DNAJC15: variants seen among roughly 807,000 people sequenced by gnomAD.
DNAJC15 encodes DnaJ heat shock protein family (Hsp40) member C15, also known as dnaJ homolog subfamily C member 15.
A neutral mutation model predicts 22.4 loss-of-function variants in DNAJC15; 27 were observed. The observed-to-expected ratio is 1.20, with a 90% CI of 0.89 to 1.66. The LOEUF (loss-of-function observed/expected upper bound fraction) is 1.66, where lower values mean the gene tolerates loss of function less well. Among genes scored for constraint, DNAJC15 ranks in the 40% most tolerant of loss-of-function variants. The pLI, the probability that DNAJC15 is intolerant of heterozygous loss-of-function variation, is 0.00. For missense variants in DNAJC15, 208 were observed against 187.1 expected, an observed-to-expected ratio of 1.11 and a Z score of -0.65; for synonymous variants, 79 against 63.2, an observed-to-expected ratio of 1.25 and a Z score of -1.19.
chr13:43,099,287 G>A (rs1433000404), intron 5 of DNAJC15, among the ~76,000 whole-genome samples: 1 of 152,052 alleles, frequency 6.6e-6, no homozygotes, highest in Non-Finnish European at 1.5e-5. Flanking sequence ...AGTTATTGGT[G>A]GATTCTTTAG....
At chr13:43,056,190 T>A (rs2040530433) in intron 1 of DNAJC15, among the ~76,000 whole-genome samples, 1 of 151,990 alleles carries the variant, frequency 6.6e-6, no homozygotes, top group Non-Finnish European at 1.5e-5. Context: ...TCGCTCTTGT[T>A]GCCTAGGCTG....
intron 4 of DNAJC15, among the ~76,000 whole-genome samples, chr13:43,080,391 A>C (rs539124576): frequency 6.6e-6 from 1 of 152,294 alleles, no homozygotes; most frequent in South Asian, 2.1e-4. Flanking sequence ...CCACGATCTC[A>C]TTACTTTTTG....
In DNAJC15 at chr13:43,112,866, A is replaced by T. The variant is rs1481226169; in HGVS notation, c.*5618A>T. On this transcript the variant is annotated 3_prime_UTR_variant, in exon 6 of 6. Transcript: ENST00000379221. The stretch of plus-strand genomic sequence containing the variant: ...AAGGGGCTTGTATGACTTTTGGCTC[A>T]TTTTTTGATGCATGTGACCTGGGAT... 6 of 152,198 alleles carry T rather than the reference A, an allele frequency of 3.9e-5. No homozygotes were observed. The allele number at this position is 152,198 out of a possible 1,614,324, so 9.4% of individuals were successfully genotyped here.
At chr13:43,056,286 GCAC>G (rs1051943109) in intron 1 of DNAJC15, among the ~76,000 whole-genome samples, 15 of 152,010 alleles carry the variant, frequency 9.9e-5, no homozygotes, top group African/African-American at 3.6e-4. Flanking sequence ...CTACAGGCAT[GCAC>G]CACCACGCCT....
intron 5 of DNAJC15, among the ~76,000 whole-genome samples, chr13:43,095,842 A>G (rs1048375463): frequency 6.6e-5 from 10 of 152,150 alleles, no homozygotes; most frequent in African/African-American, 2.4e-4. Context: ...GATGACCTTA[A>G]AAAACAGTTT....
chr13:43,027,855 C>G (rs1223870005), intron 1 of DNAJC15, among the ~76,000 whole-genome samples: 1 of 152,074 alleles, frequency 6.6e-6, no homozygotes, highest in African/African-American at 2.4e-5. Context: ...TAGGGTTTCC[C>G]CATGTCAGCC....
At chr13:43,034,395 A>G (rs1320762038) in intron 1 of DNAJC15, among the ~76,000 whole-genome samples, 1 of 132,496 alleles carries the variant, frequency 7.5e-6, no homozygotes, top group African/African-American at 2.9e-5. Context: ...GGCTCACTTC[A>G]AGCTCTGCCT....
chr13:43,063,270 A>G (rs1182590514), intron 1 of DNAJC15, among the ~76,000 whole-genome samples: 2 of 152,252 alleles, frequency 1.3e-5, no homozygotes, highest in Non-Finnish European at 2.9e-5. Context: ...TTGGCCTCCC[A>G]AAGTGTTGGG....
Position 43,109,599 on chromosome 13 carries a change from G to C in DNAJC15, c.*2351G>C, listed in dbSNP as rs1351721853. The C allele has an allele frequency of 6.6e-6, 1 of 152,064 alleles. No homozygotes were observed. Among genetic ancestry groups the C allele is most frequent in the Admixed American group, 6.6e-5 (1 of 15,258 alleles). 9.4% of individuals were successfully genotyped at this position (152,064 alleles called of 1,614,324 possible). On this transcript the variant is annotated 3_prime_UTR_variant, in exon 6 of 6. Coordinates refer to ENST00000379221, the MANE Select transcript of DNAJC15 (RefSeq NM_013238.3). ...TTGCAGGTGCCTTGGAGTCAGATCT[G>C]GTTTTGAATACTATCTTCCTGTTAT...
At chr13:43,038,098 CAG>C (rs1210277256) in intron 1 of DNAJC15, among the ~76,000 whole-genome samples, 6 of 152,082 alleles carry the variant, frequency 3.9e-5, no homozygotes, top group Non-Finnish European at 8.8e-5. Flanking sequence ...AAATAAAACA[CAG>C]TGATGAATTT....
chr13:43,110,700 A>G lies in DNAJC15; in HGVS notation c.*3452A>G, dbSNP rs1390774708. 5 of 152,198 alleles carry G rather than the reference A, an allele frequency of 3.3e-5. No homozygotes were observed. In the East Asian group the frequency reaches 9.6e-4, roughly 29 times the overall value. 9.4% of individuals were successfully genotyped at this position (152,198 alleles called of 1,614,324 possible). ...TTTTCTGGTGCATCCAGCAAAAGTA[A>G]TATCATGAATTATGAGCTCTCTGAG... is the stretch of plus-strand genomic sequence containing the variant. On this transcript the variant is annotated 3_prime_UTR_variant, in exon 6 of 6. Transcript: ENST00000379221.
At chr13:43,068,822 G>T in intron 2 of DNAJC15, 108 bp from the exon 3 acceptor site, 4 of 875,652 alleles carry the variant, frequency 4.6e-6, no homozygotes, top group Non-Finnish European at 6.4e-6. Context: ...AATACTTATT[G>T]CAATAACATA....
chr13:43,034,257 GA>G (rs2040417268), intron 1 of DNAJC15, among the ~76,000 whole-genome samples: 1 of 145,070 alleles, frequency 6.9e-6, no homozygotes, highest in African/African-American at 2.5e-5. Context: ...CTTAAATGTA[GA>G]GTAATCTGTC....
intron 1 of DNAJC15, among the ~76,000 whole-genome samples, chr13:43,032,705 G>A (rs2040409072): frequency 6.6e-6 from 1 of 152,100 alleles, no homozygotes; most frequent in South Asian, 2.1e-4. Context: ...CACACCTGTA[G>A]TCCCAGCTAC....
At chr13:43,063,912 A>G (rs780543731) in intron 1 of DNAJC15, among the ~76,000 whole-genome samples, 2 of 152,264 alleles carry the variant, frequency 1.3e-5, no homozygotes, top group Non-Finnish European at 2.9e-5. Flanking sequence ...CAAAATATGT[A>G]GCACCAGGGA....
intron 5 of DNAJC15, among the ~76,000 whole-genome samples, chr13:43,098,090 T>G (rs1278980860): frequency 6.6e-6 from 1 of 152,202 alleles, no homozygotes; most frequent in Non-Finnish European, 1.5e-5. Context: ...CTGAGAAACT[T>G]AGAGGGGATC....
intron 3 of DNAJC15, among the ~76,000 whole-genome samples, chr13:43,074,275 G>C (rs777227220): frequency 2.0e-5 from 3 of 152,138 alleles, no homozygotes; most frequent in Non-Finnish European, 4.4e-5. Flanking sequence ...TAGCAAAGGA[G>C]ACACAAAATA....
intron 1 of DNAJC15, among the ~76,000 whole-genome samples, chr13:43,043,160 C>T (rs1158868251): frequency 6.6e-6 from 1 of 152,176 alleles, no homozygotes; most frequent in African/African-American, 2.4e-5. Flanking sequence ...AGGCCGGAGT[C>T]CAGTGGTATG....
At chr13:43,033,951 CT>C (rs1182049694) in intron 1 of DNAJC15, among the ~76,000 whole-genome samples, 1 of 149,950 alleles carries the variant, frequency 6.7e-6, no homozygotes, top group African/African-American at 2.5e-5. Flanking sequence ...TTGCTTGATC[CT>C]GGGAGGCGGA....
Sources: gnomAD v4.1 joint callset for allele counts (sites outside exome capture counted in the v4.1 genomes callset) on GRCh38, gnomAD v4.1.1 for gene constraint, MANE v1.5 for transcripts, NCBI Gene and HGNC (gene_info 2026-07-23, HGNC 2026-07-21) for gene names.